Variants in SLC30A7 observed in about 807,000 individuals in gnomAD.
SLC30A7 encodes solute carrier family 30 member 7, also known as zinc transporter 7.
SLC30A7 carries 35 observed loss-of-function variants against 46.0 expected under a neutral mutation model. The ratio of observed to expected loss-of-function variants is 0.76; its 90% CI spans 0.58 to 1.01. The LOEUF (loss-of-function observed/expected upper bound fraction) is 1.01, where lower values mean the gene tolerates loss of function less well. Ranked by LOEUF, SLC30A7 falls within the 50% of genes least tolerant of loss-of-function variation. The pLI, the probability that SLC30A7 is intolerant of heterozygous loss-of-function variation, is 0.00. For synonymous variants in SLC30A7, 147 were observed against 157.8 expected (o/e 0.93, Z 0.51); for missense variants, 464 against 451.1 (o/e 1.03, Z -0.26).
intron 8 of SLC30A7, chr1:100,941,844 G>A: frequency 2.0e-6 from 1 of 505,334 alleles, no homozygotes. Context: ...CCTGGTGTTT[G>A]GATCTCCCAT....
At chr1:100,924,606 A>G (rs1044981372) in intron 8 of SLC30A7, among the ~76,000 whole-genome samples, 2 of 151,782 alleles carry the variant, frequency 1.3e-5, no homozygotes, top group Non-Finnish European at 1.5e-5. Context: ...ATTGCCCTCA[A>G]GCTCCATTAG....
At chr1:100,916,227 C>A (rs1652535144) in intron 6 of SLC30A7, among the ~76,000 whole-genome samples, 1 of 151,820 alleles carries the variant, frequency 6.6e-6, no homozygotes, top group South Asian at 2.1e-4. Flanking sequence ...CGCTCTGTCA[C>A]CCAGGCTGGA....
At chr1:100,910,148 A>G (rs564228853) in intron 3 of SLC30A7, among the ~76,000 whole-genome samples, 3 of 152,098 alleles carry the variant, frequency 2.0e-5, no homozygotes, top group African/African-American at 4.8e-5. Context: ...TTTTACAGTA[A>G]AAATCGTTAT....
intron 8 of SLC30A7, among the ~76,000 whole-genome samples, chr1:100,942,837 A>T (rs1654431982): frequency 6.6e-6 from 1 of 152,246 alleles, no homozygotes; most frequent in Admixed American, 6.5e-5. Context: ...TGAAAAAAGT[A>T]AAAGGGCAGT....
At chr1:100,913,947 C>A in intron 6 of SLC30A7, 141 bp downstream of exon 6, 1 of 1,246,312 alleles carries the variant, frequency 8.0e-7, no homozygotes, top group Non-Finnish European at 1.1e-6. Flanking sequence ...GTTCCCAGGG[C>A]TAGTTTATTT....
Position 100,977,294 on chromosome 1 carries a change from A to G in SLC30A7, c.*2437A>G, listed in dbSNP as rs1656586844. On this transcript the variant is annotated 3_prime_UTR_variant, in exon 11 of 11. Transcript: ENST00000357650. The stretch of plus-strand genomic sequence containing the variant: ...AGTACACAAATGCATGAGTATGTTT[A>G]TACAGTGTTAGACTGATGTGAATTT... The G allele has an allele frequency of 6.6e-6, 1 of 152,236 alleles. No individual in the cohort carries two copies. The highest frequency in any genetic ancestry group is 1.5e-5 in the Non-Finnish European group (1 of 68,040). 9.4% of individuals were successfully genotyped at this position (152,236 alleles called of 1,614,324 possible). A position where few individuals can be genotyped will look rare whatever the true frequency, so the allele number is the denominator to read the frequency against.
At position 100,968,186 on chromosome 1, in the gene SLC30A7, C is replaced by A. The variant is rs1253608968; in HGVS notation, c.1083+2268C>A. The stretch of plus-strand genomic sequence containing the variant: ...TCAAATTTTTTCAAAATAGGCCAGG[C>A]ATGGTGGCTCACACCTGTAATCCCA... On this transcript the variant is annotated intron_variant, in intron 10 of 10. Coordinates refer to ENST00000357650, the MANE Select transcript of SLC30A7 (RefSeq NM_133496.5). Among the ~76,000 whole-genome samples the A allele has an allele frequency of 2.0e-5, 3 of 152,112 alleles. No homozygotes were observed. The East Asian group carries it at 5.8e-4, about 29-fold the overall frequency.
intron 8 of SLC30A7, among the ~76,000 whole-genome samples, chr1:100,926,441 G>T (rs938316286): frequency 6.6e-6 from 1 of 152,052 alleles, no homozygotes; most frequent in Non-Finnish European, 1.5e-5. Flanking sequence ...TGGTGAAAGA[G>T]AGAGAGAGAA....
the SLC30A7 span, among the ~76,000 whole-genome samples, chr1:100,991,839 G>A: frequency 6.6e-6 from 1 of 151,172 alleles, no homozygotes; most frequent in Non-Finnish European, 1.5e-5. Flanking sequence ...GTTCACACCT[G>A]TAATCCCAAC....
At chr1:100,908,831 A>G (rs1651881878) in intron 3 of SLC30A7, among the ~76,000 whole-genome samples, 1 of 152,148 alleles carries the variant, frequency 6.6e-6, no homozygotes, top group Admixed American at 6.5e-5. Flanking sequence ...TTCTGAATAA[A>G]CAGTAGCTGA....
chr1:100,912,230 A>T lies in SLC30A7; in HGVS notation c.503A>T (p.His168Leu). Residue 168 changes from histidine to leucine, a missense_variant, in exon 5 of 11, where the codon CAT becomes CTT. His to Leu is a moderately conservative substitution (Grantham distance 99, BLOSUM62 -3). Transcript: ENST00000357650. Reference protein sequence around the residue: ...VFKHGGHGHSHGSGHGHSHSL... With the variant: ...VFKHGGHGHSLGSGHGHSHSL... ...AAACATGGAGGTCATGGACATTCTC[A>T]TGGCTCTGGTATGATGGTTAGGACA... The T allele has an allele frequency of 1.9e-6, 3 of 1,613,948 alleles. No individual in the cohort carries two copies. The highest frequency in any genetic ancestry group is 2.5e-6 in the Non-Finnish European group (3 of 1,179,902).
the SLC30A7 span, chr1:100,990,283 C>T: frequency 1.2e-6 from 1 of 850,502 alleles, no homozygotes; most frequent in East Asian, 2.6e-5. Flanking sequence ...GATTCAATTA[C>T]CTACCACAAC....
At chr1:100,935,375 C>G (rs1310498845) in intron 8 of SLC30A7, among the ~76,000 whole-genome samples, 2 of 152,182 alleles carry the variant, frequency 1.3e-5, no homozygotes, top group Non-Finnish European at 2.9e-5. Flanking sequence ...TCAGTTTAAA[C>G]TTTTCAGAAA....
At chr1:100,904,071 T>C (rs1209241976) in intron 2 of SLC30A7, among the ~76,000 whole-genome samples, 1 of 151,816 alleles carries the variant, frequency 6.6e-6, no homozygotes, top group Non-Finnish European at 1.5e-5. Context: ...ATAACAATTA[T>C]GACACTTTTA....
intron 8 of SLC30A7, among the ~76,000 whole-genome samples, chr1:100,924,610 C>T (rs1307956913): frequency 6.6e-6 from 1 of 151,386 alleles, no homozygotes; most frequent in Non-Finnish European, 1.5e-5. Context: ...CCCTCAAGCT[C>T]CATTAGGGCA....
chr1:100,908,488 C>T (rs990414921), intron 3 of SLC30A7, among the ~76,000 whole-genome samples: 3 of 152,106 alleles, frequency 2.0e-5, no homozygotes, highest in African/African-American at 7.2e-5. Context: ...TGTGGCAGAA[C>T]TTGCTGATTT....
chr1:100,958,326 G>A (rs1655344233), intron 8 of SLC30A7, among the ~76,000 whole-genome samples: 1 of 152,026 alleles, frequency 6.6e-6, no homozygotes, highest in Non-Finnish European at 1.5e-5. Context: ...ACAGGCGCCG[G>A]CCATCACGCC....
intron 8 of SLC30A7, among the ~76,000 whole-genome samples, chr1:100,959,855 C>T (rs865968774): frequency 3.3e-5 from 5 of 152,090 alleles, no homozygotes; most frequent in Non-Finnish European, 4.4e-5. Context: ...GTTACGTGGA[C>T]TTGAGGAAAT....
intron 10 of SLC30A7, chr1:100,972,632 A>C (rs1489812561): frequency 6.6e-6 from 1 of 152,152 alleles, no homozygotes; most frequent in African/African-American, 2.4e-5. Context: ...AAAATAAAAG[A>C]AATTAAGACA....
Sources: allele counts gnomAD v4.1 joint callset (sites outside exome capture counted in the v4.1 genomes callset), GRCh38; gene constraint gnomAD v4.1.1; transcripts MANE v1.5; gene names NCBI Gene and HGNC (gene_info 2026-07-23, HGNC 2026-07-21).